Variants in CACNB2 observed in about 807,000 individuals in gnomAD.
CACNB2 encodes the protein voltage-dependent L-type calcium channel subunit beta-2.
In CACNB2, 42 loss-of-function variants were observed where a neutral mutation model predicts 73.3. That is an observed-to-expected ratio of 0.57 (90% CI 0.45 to 0.74). The LOEUF (loss-of-function observed/expected upper bound fraction) is 0.74. Ranked by LOEUF, CACNB2 falls within the 30% of genes least tolerant of loss-of-function variation. The probability of loss-of-function intolerance (pLI) is 0.00; values close to 1 mark genes in which losing one functional copy is unlikely to be tolerated. For missense variants in CACNB2, 940 were observed against 853.0 expected, an observed-to-expected ratio of 1.10 and a Z score of -1.27; for synonymous variants, 348 against 310.3, an observed-to-expected ratio of 1.12 and a Z score of -1.28.
chr10:18,281,298 T>A (rs1240389440), intron 2 of CACNB2, among the ~76,000 whole-genome samples: 2 of 152,222 alleles, frequency 1.3e-5, no homozygotes, highest in East Asian at 3.8e-4. Context: ...ACACTCAAGA[T>A]TATGAGCCAC....
intron 3 of CACNB2, among the ~76,000 whole-genome samples, chr10:18,470,010 A>T (rs1251309747): frequency 6.6e-6 from 1 of 152,106 alleles, no homozygotes; most frequent in South Asian, 2.1e-4. Flanking sequence ...TTTTTTCTTT[A>T]TCATGCTATA....
At chr10:18,158,619 A>G (rs992463451) in intron 2 of CACNB2, among the ~76,000 whole-genome samples, 7 of 152,188 alleles carry the variant, frequency 4.6e-5, no homozygotes, top group African/African-American at 1.7e-4. Flanking sequence ...GCACAAATTT[A>G]TAGCCTATTA....
intron 2 of CACNB2, among the ~76,000 whole-genome samples, chr10:18,341,791 CTTGCTAGGAAATATCT>C (rs1211317069): frequency 6.6e-6 from 1 of 152,062 alleles, no homozygotes; most frequent in African/African-American, 2.4e-5. Flanking sequence ...GAAAAAAATG[CTTGCTAGGAAATATCT>C]TTGTGGTCAT....
At chr10:18,510,473 T>G (rs2050706054) in intron 6 of CACNB2, among the ~76,000 whole-genome samples, 1 of 152,090 alleles carries the variant, frequency 6.6e-6, no homozygotes, top group South Asian at 2.1e-4. Flanking sequence ...TGGCTAATCT[T>G]TGTATTGTTA....
At chr10:18,205,804 T>A (rs1311432578) in intron 2 of CACNB2, among the ~76,000 whole-genome samples, 1 of 152,090 alleles carries the variant, frequency 6.6e-6, no homozygotes, top group Non-Finnish European at 1.5e-5. Context: ...ACTCCTCCAG[T>A]GATTTAGATC....
rs777607595 is a variant in CACNB2 at position 18,539,574 on chromosome 10, C to T, written c.1833C>T (p.Asp611=). Residue 611 remains aspartate (D), a synonymous_variant, in exon 14 of 14, where the codon GAC becomes GAT. Coordinates refer to ENST00000324631, the MANE Select transcript of CACNB2 (RefSeq NM_201596.3). ...RHRESRHRSR[D]VDREQDHNEC... ...GGGAGTCCCGGCACCGTTCCCGGGA[C>T]GTGGATCGAGAGCAGGACCACAACG... 3.5e-5 allele frequency: 57 copies of T among 1,613,406 alleles called. No homozygotes were observed. The highest frequency in any genetic ancestry group is 1.7e-4 in the Admixed American group (10 of 59,942).
chr10:18,510,459 C>A (rs184803213), intron 6 of CACNB2, among the ~76,000 whole-genome samples: 2 of 152,168 alleles, frequency 1.3e-5, no homozygotes, highest in African/African-American at 4.8e-5. Context: ...CCGGCCACCA[C>A]ACCTGGCTAA....
At chr10:18,292,650 C>T (rs974025106) in intron 2 of CACNB2, among the ~76,000 whole-genome samples, 3 of 152,068 alleles carry the variant, frequency 2.0e-5, no homozygotes, top group Non-Finnish European at 4.4e-5. Flanking sequence ...AGTGAGACTC[C>T]ATCTCAAAAT....
chr10:18,395,059 T>C (rs2043651793), intron 2 of CACNB2, among the ~76,000 whole-genome samples: 1 of 152,264 alleles, frequency 6.6e-6, no homozygotes, highest in East Asian at 1.9e-4. Flanking sequence ...GTCTCACATG[T>C]GTATTCCAGG....
intron 9 of CACNB2, among the ~76,000 whole-genome samples, chr10:18,522,497 A>G (rs769186543): frequency 9.2e-5 from 14 of 152,010 alleles, no homozygotes; most frequent in Non-Finnish European, 1.3e-4. Flanking sequence ...CACACCTACT[A>G]CTACAACCAT....
chr10:18,459,328 T>A (rs2047444932), intron 3 of CACNB2, among the ~76,000 whole-genome samples: 1 of 152,180 alleles, frequency 6.6e-6, no homozygotes, highest in Non-Finnish European at 1.5e-5. Context: ...AATATCACTA[T>A]CCTTTGGAAC....
Position 18,140,436 on chromosome 10 carries a change from C to G in CACNB2, c.-301C>G, listed in dbSNP as rs376763675. On this transcript the variant is annotated 5_prime_UTR_variant, in exon 1 of 14. Transcript: ENST00000324631. ...GGCTCCGATCCCCGCCGCGCTGCGC[C>G]CGCTCTCCCGGCCCCGGCTGCCCCG... 9.1e-4 allele frequency among the ~76,000 whole-genome samples: 139 copies of G among 152,116 alleles called. No individual in the cohort carries two copies. Among genetic ancestry groups the G allele is most frequent in the Middle Eastern group, 6.8e-3 (2 of 292 alleles).
intron 2 of CACNB2, among the ~76,000 whole-genome samples, chr10:18,288,633 T>G (rs1043458649): frequency 1.3e-5 from 2 of 149,586 alleles, no homozygotes; most frequent in Non-Finnish European, 3.0e-5. Context: ...AGAAAAAACA[T>G]AGTTTTTAGG....
In CACNB2 at chr10:18,220,263, A is replaced by AAT. The variant is rs1159846471; in HGVS notation, c.213+69288_213+69289insAT. ...GAGAGAGAGAGAGAGAGAGAGAGAG[A>AAT]GAGAGAGAGAGAAAGAGAGAGAATC... On this transcript the variant is annotated intron_variant, in intron 2 of 13. Transcript: ENST00000324631. Among the ~76,000 whole-genome samples, 5 of 125,436 alleles carry AAT rather than the reference A, an allele frequency of 4.0e-5. 1 individual carries two copies. The highest frequency in any genetic ancestry group is 1.7e-4 in the African/African-American group (5 of 29,946). The allele number at this position is 125,436 out of a possible 152,430, so 82.3% of individuals were successfully genotyped here.
intron 2 of CACNB2, among the ~76,000 whole-genome samples, chr10:18,394,438 T>C (rs2043625220): frequency 6.6e-6 from 1 of 152,194 alleles, no homozygotes; most frequent in Admixed American, 6.5e-5. Flanking sequence ...ATCAGATGCA[T>C]GTAGGAATTT....
chr10:18,469,633 T>G (rs1431160038), intron 3 of CACNB2, among the ~76,000 whole-genome samples: 2 of 152,222 alleles, frequency 1.3e-5, no homozygotes, highest in Non-Finnish European at 2.9e-5. Context: ...AGTAGTTCGG[T>G]TCTAACCTCT....
chr10:18,280,970 G>C (rs61842672), intron 2 of CACNB2, among the ~76,000 whole-genome samples: 1 of 152,128 alleles, frequency 6.6e-6, no homozygotes, highest in Non-Finnish European at 1.5e-5. Flanking sequence ...GATCACTAAC[G>C]CCTGTACACA....
intron 2 of CACNB2, among the ~76,000 whole-genome samples, chr10:18,310,076 T>G (rs1040139212): frequency 7.2e-5 from 11 of 152,186 alleles, no homozygotes; most frequent in African/African-American, 2.7e-4. Flanking sequence ...CAGTTACAGT[T>G]TCTTAATTTG....
intron 2 of CACNB2, among the ~76,000 whole-genome samples, chr10:18,189,941 A>G (rs532047947): frequency 1.3e-5 from 2 of 152,308 alleles, no homozygotes; most frequent in African/African-American, 4.8e-5. Flanking sequence ...CCTTGAAGAT[A>G]CTGTGTTTTT....
Sources: gnomAD v4.1 joint callset for allele counts (sites outside exome capture counted in the v4.1 genomes callset) on GRCh38, gnomAD v4.1.1 for gene constraint, MANE v1.5 for transcripts, NCBI Gene and HGNC (gene_info 2026-07-23, HGNC 2026-07-21) for gene names.